The following FAR1 variants were observed in gnomAD, a reference collection of about 807,000 sequenced individuals.
FAR1 encodes male sterility domain-containing protein 2.
FAR1 carries 22 observed loss-of-function variants against 61.1 expected under a neutral mutation model. The observed-to-expected ratio is 0.36, with a 90% CI of 0.26 to 0.51. The LOEUF (loss-of-function observed/expected upper bound fraction) is 0.51, where lower values mean the gene tolerates loss of function less well. Among genes scored for constraint, FAR1 ranks in the 20% least tolerant of loss-of-function variants. FAR1 has a pLI of 0.95. For missense variants in FAR1, 359 were observed against 626.9 expected, an observed-to-expected ratio of 0.57 and a Z score of 4.56; for synonymous variants, 206 against 209.7, an observed-to-expected ratio of 0.98 and a Z score of 0.15.
At position 13,721,593 on chromosome 11, in the gene FAR1, T is replaced by C. The variant is rs546096285; in HGVS notation, c.1128-137T>C. ...GAAATAGTCTTATTCCCTGCTGATT[T>C]GGTACACTTAATGATTAAATGTTAT... On this transcript the variant is annotated intron_variant, in intron 9 of 11. Coordinates refer to ENST00000354817, the MANE Select transcript of FAR1 (RefSeq NM_032228.6). The surrounding 1 kb of genome is among the most constrained non-coding windows in gnomAD (Gnocchi z 4.2). 1.6e-6 allele frequency: 1 copy of C among 627,376 alleles called. No individual in the cohort carries two copies. The highest frequency in any genetic ancestry group is 1.9e-5 in the African/African-American group (1 of 52,084). 38.9% of individuals were successfully genotyped at this position (627,376 alleles called of 1,614,324 possible).
intron 1 of FAR1, among the ~76,000 whole-genome samples, chr11:13,686,181 T>C (rs1334078162): frequency 6.6e-6 from 1 of 152,216 alleles, no homozygotes; most frequent in Non-Finnish European, 1.5e-5. Flanking sequence ...AAGGAGACTT[T>C]TGGAAAATAG....
chr11:13,675,317 C>G (rs17534363), intron 1 of FAR1, among the ~76,000 whole-genome samples: 22,313 of 152,046 alleles, frequency 0.15, 1,855 homozygotes, highest in South Asian at 0.24. Flanking sequence ...TAAGTGGGAA[C>G]TGACATTATT....
chr11:13,695,063 T>TA, intron 2 of FAR1, 109 bp downstream of exon 2: 2 of 920,328 alleles, frequency 2.2e-6, no homozygotes, highest in Non-Finnish European at 3.0e-6. Context: ...TCTGAAAAAA[T>TA]TAGTAAAACA....
intron 9 of FAR1, among the ~76,000 whole-genome samples, chr11:13,717,501 T>C (rs1374183395): frequency 1.3e-5 from 2 of 152,164 alleles, no homozygotes; most frequent in African/African-American, 2.4e-5. Flanking sequence ...CTCAGTCTTA[T>C]TCTCTGGGAG....
intron 1 of FAR1, among the ~76,000 whole-genome samples, chr11:13,687,937 C>T (rs1398328406): frequency 8.7e-5 from 9 of 102,916 alleles, no homozygotes; most frequent in Admixed American, 1.5e-4. Flanking sequence ...CATCACACAC[C>T]GGGGACTGTT....
chr11:13,674,834 G>T (rs1249863024), intron 1 of FAR1, among the ~76,000 whole-genome samples: 2 of 152,146 alleles, frequency 1.3e-5, no homozygotes, highest in Admixed American at 6.5e-5. Flanking sequence ...CAATTGGTCT[G>T]TTCTGTATTG....
Position 13,694,867 on chromosome 11 carries a change from T to C in FAR1, c.102T>C (p.Cys34=). 2 of 1,614,050 alleles carry C rather than the reference T, an allele frequency of 1.2e-6. No individual in the cohort carries two copies. The change falls in exon 2 of 12, where the codon TGT becomes TGC. Residue 34 remains cysteine (C), a synonymous_variant. Transcript: ENST00000354817. The part of the protein sequence containing the change: ...KVLLEKLLRS[C]PKVNSVYVLV... ...TTCTGGAAAAGTTGCTGAGGTCTTG[T>C]CCTAAGGTGAATTCAGTATATGTTT...
chr11:13,716,601 C>T (rs927556677), intron 9 of FAR1, among the ~76,000 whole-genome samples: 1 of 152,160 alleles, frequency 6.6e-6, no homozygotes, highest in Non-Finnish European at 1.5e-5. Flanking sequence ...AATTAGACTT[C>T]TTATATAGCA....
At chr11:13,677,022 C>A (rs527642931) in intron 1 of FAR1, among the ~76,000 whole-genome samples, 3 of 152,114 alleles carry the variant, frequency 2.0e-5, no homozygotes, top group African/African-American at 7.2e-5. Context: ...ATCCCAACAG[C>A]GTTGTTTCTC....
In FAR1 at chr11:13,694,818, C is replaced by T; in HGVS notation, c.53C>T (p.Ala18Val). The T allele has an allele frequency of 6.2e-7, 1 of 1,614,008 alleles. No individual in the cohort carries two copies. Among genetic ancestry groups the T allele is most frequent in the Non-Finnish European group, 8.5e-7 (1 of 1,179,938 alleles). ...GGCAAGAACGTCCTCCTCACAGGAGCTACCGGTTTTCTAGGGAAGGTGCTT... is the reference window on the plus strand; with the variant it reads ...GGCAAGAACGTCCTCCTCACAGGAGTTACCGGTTTTCTAGGGAAGGTGCTT... ...YEGKNVLLTG[A>V]TGFLGKVLLE... Residue 18 changes from alanine to valine, a missense_variant, in exon 2 of 12, where the codon GCT (alanine) becomes GTT (valine). Transcript: ENST00000354817.
intron 1 of FAR1, among the ~76,000 whole-genome samples, chr11:13,683,796 A>C (rs1435771148): frequency 6.6e-6 from 1 of 152,202 alleles, no homozygotes; most frequent in Non-Finnish European, 1.5e-5. Context: ...AGGTGGTAGA[A>C]ATTTTTAGGT....
intron 1 of FAR1, among the ~76,000 whole-genome samples, chr11:13,690,353 C>A (rs1848236115): frequency 6.6e-6 from 1 of 151,792 alleles, no homozygotes. Context: ...TTTGCCTTTT[C>A]TCTTTATTGT....
chr11:13,732,040 CT>C lies in FAR1; in HGVS notation c.*3269del, dbSNP rs1312175010. 2 of 151,894 alleles carry C rather than the reference CT, an allele frequency of 1.3e-5. No homozygotes were observed. The highest frequency in any genetic ancestry group is 2.9e-5 in the Non-Finnish European group (2 of 67,992). 9.4% of individuals were successfully genotyped at this position (151,894 alleles called of 1,614,324 possible). On this transcript the variant is annotated 3_prime_UTR_variant, in exon 12 of 12. Transcript: ENST00000354817. ...CTAACTTGCTCTGTTTTGAGAAAAACTTTCCAAACTTTTGCATGAGAAACTA... is the reference window on the plus strand; with the variant it reads ...CTAACTTGCTCTGTTTTGAGAAAAACTTCCAAACTTTTGCATGAGAAACTA...
chr11:13,678,163 A>G (rs1427962273), intron 1 of FAR1, among the ~76,000 whole-genome samples: 1 of 152,232 alleles, frequency 6.6e-6, no homozygotes, highest in Non-Finnish European at 1.5e-5. Flanking sequence ...TGGAATACAA[A>G]TTGAAGTTTT....
intron 9 of FAR1, among the ~76,000 whole-genome samples, chr11:13,716,459 G>C (rs116897738): frequency 2.0e-5 from 3 of 152,178 alleles, no homozygotes; most frequent in African/African-American, 7.2e-5. Context: ...TCTTTCATGT[G>C]TTTGTGATCA....
chr11:13,710,182 CTG>C (rs542507173), intron 4 of FAR1, among the ~76,000 whole-genome samples: 1 of 152,086 alleles, frequency 6.6e-6, no homozygotes, highest in South Asian at 2.1e-4. Flanking sequence ...TTAATTATAA[CTG>C]TATATAATTA....
chr11:13,668,996 C>T (rs1847961421), intron 1 of FAR1, among the ~76,000 whole-genome samples, 190 bp downstream of exon 1: 1 of 152,166 alleles, frequency 6.6e-6, no homozygotes, highest in South Asian at 2.1e-4. Flanking sequence ...TGGTCTCTGC[C>T]CCTCTTTGCC....
chr11:13,716,324 T>C (rs1162015496), intron 9 of FAR1, among the ~76,000 whole-genome samples: 1 of 152,214 alleles, frequency 6.6e-6, no homozygotes, highest in Non-Finnish European at 1.5e-5. Context: ...GAGATGTTGC[T>C]GCATAACAAA....
At chr11:13,674,285 G>A (rs1444114686) in intron 1 of FAR1, among the ~76,000 whole-genome samples, 2 of 143,856 alleles carry the variant, frequency 1.4e-5, no homozygotes, top group Non-Finnish European at 3.0e-5. Context: ...CTCCAGCCTG[G>A]ACAACAGAGC....
Sources: gnomAD v4.1 joint callset for allele counts (sites outside exome capture counted in the v4.1 genomes callset) on GRCh38, gnomAD v4.1.1 for gene constraint, Gnocchi (gnomAD v3.1) non-coding constraint, MANE v1.5 for transcripts, NCBI Gene and HGNC (gene_info 2026-07-23, HGNC 2026-07-21) for gene names.